Variants in TTC6 observed in about 807,000 individuals in gnomAD.
The protein encoded by TTC6 is tetratricopeptide repeat protein 6.
TTC6 carries 172 observed loss-of-function variants against 210.4 expected under a neutral mutation model. That is an observed-to-expected ratio of 0.82 (90% confidence interval 0.72 to 0.93). The LOEUF (loss-of-function observed/expected upper bound fraction) is 0.93, where lower values mean the gene tolerates loss of function less well. TTC6 is among the 40% of genes least tolerant of loss of function. The pLI is 0.00. For missense variants in TTC6, 2,414 were observed against 2,318.1 expected (o/e 1.04, Z -0.85); for synonymous variants, 804 against 819.6 (o/e 0.98, Z 0.32).
In TTC6 at chr14:37,790,747, GT is replaced by G. The variant is rs2096077486; in HGVS notation, c.3469del (p.Cys1157ValfsTer7). 1 of 1,534,096 alleles carries G rather than the reference GT, an allele frequency of 6.5e-7. No individual in the cohort carries two copies. Among genetic ancestry groups the G allele is most frequent in the Non-Finnish European group, 8.7e-7 (1 of 1,145,886 alleles). ...ATAAATGATGGCTATGAGAATCTTG[GT>G]TGTTTTCTACATCGGGGAATAGTCT... is the stretch of plus-strand genomic sequence containing the variant. On this transcript the variant is annotated frameshift_variant, in exon 16 of 31. Coordinates refer to ENST00000553443, the Ensembl canonical transcript of TTC6. LOFTEE classifies it high-confidence loss of function.
chr14:37,725,371 A>G (rs1255131871), intron 7 of TTC6, among the ~76,000 whole-genome samples: 1 of 124,758 alleles, frequency 8.0e-6, no homozygotes, highest in Non-Finnish European at 1.7e-5. Context: ...TTTTTTTGAG[A>G]TGGAGTTTTG....
chr14:37,687,674 T>A (rs1320144461), intron 3 of TTC6, among the ~76,000 whole-genome samples: 1 of 152,092 alleles, frequency 6.6e-6, no homozygotes, highest in Non-Finnish European at 1.5e-5. Context: ...CTGGTCAGTG[T>A]CATGAGGCCC....
chr14:37,841,661 C>G (rs2096210469), exon 30 of TTC6: 1 of 1,599,580 alleles, frequency 6.3e-7, no homozygotes, highest in Non-Finnish European at 8.5e-7. Context: ...TGAGGAAGAC[C>G]TTAATAAAGG....
intron 29 of TTC6, among the ~76,000 whole-genome samples, chr14:37,839,685 C>T (rs528431819): frequency 2.0e-5 from 3 of 152,084 alleles, no homozygotes; most frequent in Non-Finnish European, 4.4e-5. Flanking sequence ...GCTTTTGTTC[C>T]CATTGCTTTT....
rs149207522 is a variant in TTC6, at chr14:37,710,709, C to A, written c.1572-3946C>A. On this transcript the variant is annotated intron_variant, in intron 5 of 30. Coordinates refer to ENST00000553443, the Ensembl canonical transcript of TTC6. ...CATAGCACAGTGAGGGGCCCAAATT[C>A]TGTTTTTTAACCTCATTCCAAAGGC... Among the ~76,000 whole-genome samples the A allele has an allele frequency of 1.3e-5, 2 of 152,166 alleles. 1 individual carries two copies. The highest frequency in any genetic ancestry group is 4.8e-5 in the African/African-American group (2 of 41,528).
At chr14:37,712,292 C>A (rs911497856) in intron 5 of TTC6, among the ~76,000 whole-genome samples, 6 of 152,160 alleles carry the variant, frequency 3.9e-5, no homozygotes, top group Non-Finnish European at 8.8e-5. Context: ...TAGAGCAGTG[C>A]TTCTAGATAA....
chr14:37,803,148 T>C (rs927760766), intron 20 of TTC6, among the ~76,000 whole-genome samples: 1 of 152,178 alleles, frequency 6.6e-6, no homozygotes, highest in African/African-American at 2.4e-5. Flanking sequence ...TGCTTTTTTA[T>C]ATTTGCTTTA....
rs549908638 is a variant in TTC6 at position 37,797,642 on chromosome 14, TAATATGTCTATTTAAAATAG to T, written c.4029+709_4029+728del. Among the ~76,000 whole-genome samples the T allele has an allele frequency of 2.8e-3, 429 of 152,076 alleles. 1 individual carries two copies. Among genetic ancestry groups the T allele is most frequent in the Non-Finnish European group, 4.8e-3 (325 of 67,922 alleles). ...ACAAAACTTCTAAAGTTTAATGTAG[TAATATGTCTATTTAAAATAG>T]AATATGTCTATTTTAAAATTTGTCA... On this transcript the variant is annotated intron_variant, in intron 20 of 30. Coordinates refer to ENST00000553443, the Ensembl canonical transcript of TTC6.
At chr14:37,617,744 A>G (rs186305819), upstream of TTC6, among the ~76,000 whole-genome samples, 8 of 152,332 alleles carry the variant, frequency 5.3e-5, no homozygotes, top group Admixed American at 5.2e-4. Context: ...GCAAGGCTGA[A>G]GATTTTACTA....
chr14:37,794,159 T>C (rs1442914617), intron 17 of TTC6, among the ~76,000 whole-genome samples: 1 of 152,170 alleles, frequency 6.6e-6, no homozygotes, highest in Admixed American at 6.6e-5. Flanking sequence ...AGAACAGGTA[T>C]AGCAATGTGG....
chr14:37,814,503 G>T (rs1223488441), intron 25 of TTC6, among the ~76,000 whole-genome samples: 6 of 152,142 alleles, frequency 3.9e-5, no homozygotes, highest in Non-Finnish European at 7.4e-5. Context: ...CAGCAGAAAA[G>T]AAATGATAAT....
At chr14:37,753,301 A>G in intron 14 of TTC6, 66 bp downstream of exon 16, 2 of 1,357,514 alleles carry the variant, frequency 1.5e-6, no homozygotes, top group South Asian at 1.5e-5. Context: ...TTCAGAACAG[A>G]AAATTGCTTG....
chr14:37,842,122 C>T lies in TTC6; in HGVS notation c.5525-33C>T, dbSNP rs111717704. On this transcript the variant is annotated intron_variant, in intron 30 of 30. Transcript: ENST00000553443. Reference sequence around the variant, plus strand: ...AAAGAGACTATTTTTTGAGTGCCAACTTAAATATATCTTGATTTTTTTTCT... The same window carrying T: ...AAAGAGACTATTTTTTGAGTGCCAATTTAAATATATCTTGATTTTTTTTCT... The T allele has an allele frequency of 1.7e-3, 2,459 of 1,467,674 alleles. 7 individuals are homozygous for T. The highest frequency in any genetic ancestry group is 1.0e-2 in the Middle Eastern group (50 of 5,014). The allele number at this position is 1,467,674 out of a possible 1,614,324, so 90.9% of individuals were successfully genotyped here.
chr14:37,660,814 C>T (rs567538574), intron 1 of TTC6, among the ~76,000 whole-genome samples: 78 of 152,258 alleles, frequency 5.1e-4, no homozygotes, highest in South Asian at 2.3e-3. Context: ...TGGTGTAAAA[C>T]GTTCCCATTT....
At chr14:37,797,242 C>T (rs974267947) in intron 20 of TTC6, among the ~76,000 whole-genome samples, 20 of 152,052 alleles carry the variant, frequency 1.3e-4, no homozygotes, top group Admixed American at 3.3e-4. Flanking sequence ...GGAAATGACG[C>T]GTTGTTTCAT....
intron 4 of TTC6, 72 bp downstream of exon 6, chr14:37,696,907 A>G (rs1371159217): frequency 1.3e-5 from 8 of 615,590 alleles, no homozygotes; most frequent in Non-Finnish European, 1.9e-5. Flanking sequence ...ATGAAAATAC[A>G]TTTTTAAAAA....
At chr14:37,733,296 T>G (rs1278790264) in intron 7 of TTC6, among the ~76,000 whole-genome samples, 1 of 152,142 alleles carries the variant, frequency 6.6e-6, no homozygotes, top group Admixed American at 6.5e-5. Flanking sequence ...CATATATTTA[T>G]CTCTTTTTTT....
intron 1 of TTC6, among the ~76,000 whole-genome samples, chr14:37,599,510 G>C (rs1349655703): frequency 2.6e-5 from 4 of 152,168 alleles, no homozygotes; most frequent in Non-Finnish European, 4.4e-5. Context: ...AACAAAAACA[G>C]CCACTGGGTT....
intron 5 of TTC6, among the ~76,000 whole-genome samples, chr14:37,711,813 C>G (rs964284330): frequency 8.6e-5 from 13 of 151,920 alleles, no homozygotes; most frequent in African/African-American, 3.1e-4. Context: ...AAGATGATAT[C>G]ACAGGACTCA....
Sources: allele counts gnomAD v4.1 joint callset (sites outside exome capture counted in the v4.1 genomes callset), GRCh38; gene constraint gnomAD v4.1.1; transcripts MANE v1.5; gene names NCBI Gene and HGNC (gene_info 2026-07-23, HGNC 2026-07-21).